DTWD2: variants seen among roughly 807,000 people sequenced by gnomAD.
DTWD2 encodes DTW motif tRNA-uridine aminocarboxypropyltransferase 2.
In DTWD2, 39 loss-of-function variants were observed where a neutral mutation model predicts 31.8. The observed-to-expected ratio is 1.22, with a 90% CI of 0.95 to 1.60. The LOEUF (loss-of-function observed/expected upper bound fraction) is 1.60. DTWD2 is among the 40% of genes most tolerant of loss of function. DTWD2 has a pLI of 0.00. For missense variants in DTWD2, 515 were observed against 381.5 expected, an observed-to-expected ratio of 1.35 and a Z score of -2.92; for synonymous variants, 180 against 142.8, an observed-to-expected ratio of 1.26 and a Z score of -1.86.
At chr5:118,845,962 A>C (rs1381609003) in intron 5 of DTWD2, among the ~76,000 whole-genome samples, 3 of 152,174 alleles carry the variant, frequency 2.0e-5, no homozygotes, top group South Asian at 4.1e-4. Flanking sequence ...AAAACAATAG[A>C]AGTAATGAAA....
At position 118,840,922 on chromosome 5, in the gene DTWD2, T is replaced by C. The variant is rs1751696991; in HGVS notation, c.892A>G (p.Ile298Val). The change falls in exon 6 of 6, where the codon ATT becomes GTT. Residue 298 changes from isoleucine (I) to valine (V), a missense_variant. Physicochemically the swap from Ile to Val is conservative, Grantham distance 29. Coordinates refer to ENST00000510708, the MANE Select transcript of DTWD2 (RefSeq NM_173666.4). ...GCACCAAAAGAATAACTGTACTAAA[T>C]TTTAACACTATTCATTAACAATTCC... Reference protein sequence around the residue: ...KMELLMNSVKI With the variant: ...KMELLMNSVKV 1 of 1,613,216 alleles carries C rather than the reference T, an allele frequency of 6.2e-7. No homozygotes were observed. The highest frequency in any genetic ancestry group is 8.5e-7 in the Non-Finnish European group (1 of 1,179,526).
intron 3 of DTWD2, among the ~76,000 whole-genome samples, chr5:118,929,250 T>A (rs1753872607): frequency 6.6e-6 from 1 of 152,212 alleles, no homozygotes; most frequent in Admixed American, 6.5e-5. Context: ...ACTCCATACT[T>A]CTATATTTGA....
At chr5:118,948,268 G>C (rs889004870) in intron 1 of DTWD2, among the ~76,000 whole-genome samples, 41 of 152,098 alleles carry the variant, frequency 2.7e-4, no homozygotes, top group African/African-American at 9.6e-4. Flanking sequence ...AAGGTCAGGA[G>C]TTAGGGACCT....
intron 1 of DTWD2, among the ~76,000 whole-genome samples, chr5:118,948,703 G>C (rs946762731): frequency 6.6e-6 from 1 of 152,166 alleles, no homozygotes; most frequent in Non-Finnish European, 1.5e-5. Flanking sequence ...AATTCTGACC[G>C]CACAGCCCTG....
intron 4 of DTWD2, among the ~76,000 whole-genome samples, chr5:118,879,318 C>T (rs1752688155): frequency 6.6e-6 from 1 of 152,042 alleles, no homozygotes; most frequent in Admixed American, 6.5e-5. Context: ...TTAAAAAGAA[C>T]AAGATGGGCC....
intron 4 of DTWD2, among the ~76,000 whole-genome samples, chr5:118,867,660 C>A (rs1473769462): frequency 6.6e-6 from 1 of 152,056 alleles, no homozygotes; most frequent in Non-Finnish European, 1.5e-5. Flanking sequence ...GAATGTATTC[C>A]CTCCTACCTA....
intron 4 of DTWD2, among the ~76,000 whole-genome samples, chr5:118,912,347 A>G (rs1236252271): frequency 6.6e-6 from 1 of 152,228 alleles, no homozygotes; most frequent in Admixed American, 6.5e-5. Flanking sequence ...TAAGATAGAA[A>G]AAACAACAAA....
chr5:118,860,221 GTATT>G (rs1173567400), intron 4 of DTWD2, among the ~76,000 whole-genome samples: 4 of 149,080 alleles, frequency 2.7e-5, no homozygotes, highest in South Asian at 2.1e-4. Flanking sequence ...AATATGTATT[GTATT>G]TATTAATATA....
intron 4 of DTWD2, among the ~76,000 whole-genome samples, chr5:118,877,453 C>G (rs1752645907): frequency 6.6e-6 from 1 of 151,812 alleles, no homozygotes; most frequent in African/African-American, 2.4e-5. Context: ...GCCCGGGTGA[C>G]AGAGCAAGAC....
At chr5:118,943,228 C>G (rs1162586094) in intron 2 of DTWD2, among the ~76,000 whole-genome samples, 1 of 152,124 alleles carries the variant, frequency 6.6e-6, no homozygotes, top group Non-Finnish European at 1.5e-5. Context: ...TTGTCATAAT[C>G]CTGACAAAAG....
chr5:118,882,025 CA>C (rs1298016872), intron 4 of DTWD2, among the ~76,000 whole-genome samples: 1 of 152,188 alleles, frequency 6.6e-6, no homozygotes, highest in Non-Finnish European at 1.5e-5. Flanking sequence ...AGTCCAAGTT[CA>C]AAGCCTCATC....
chr5:118,901,332 A>G (rs1196208693), intron 4 of DTWD2, among the ~76,000 whole-genome samples: 1 of 152,228 alleles, frequency 6.6e-6, no homozygotes, highest in East Asian at 1.9e-4. Context: ...CCAGGGATTC[A>G]ACAAACATAA....
At chr5:118,943,423 C>T (rs765712219) in intron 2 of DTWD2, among the ~76,000 whole-genome samples, 15 of 151,956 alleles carry the variant, frequency 9.9e-5, no homozygotes, top group Non-Finnish European at 1.8e-4. Context: ...TTGTGGTGGG[C>T]GCCTGTAGTC....
intron 3 of DTWD2, among the ~76,000 whole-genome samples, chr5:118,938,094 A>G (rs1301099115): frequency 6.6e-6 from 1 of 152,228 alleles, no homozygotes; most frequent in African/African-American, 2.4e-5. Flanking sequence ...GTGGGGAGAA[A>G]CATACAGCCG....
At chr5:118,851,621 G>C (rs935558891) in intron 4 of DTWD2, among the ~76,000 whole-genome samples, 1 of 141,676 alleles carries the variant, frequency 7.1e-6, no homozygotes, top group Non-Finnish European at 1.5e-5. Flanking sequence ...CATCTTAACA[G>C]AAAACAGCGT....
At chr5:118,910,439 C>T (rs1176634870) in intron 4 of DTWD2, among the ~76,000 whole-genome samples, 2 of 152,180 alleles carry the variant, frequency 1.3e-5, no homozygotes, top group African/African-American at 4.8e-5. Context: ...GAGACCTCAT[C>T]AGAATGGCAT....
At chr5:118,893,891 C>T (rs895150136) in intron 4 of DTWD2, among the ~76,000 whole-genome samples, 1 of 152,086 alleles carries the variant, frequency 6.6e-6, no homozygotes, top group Admixed American at 6.5e-5. Context: ...GCCAACAAGC[C>T]AAATGACAAG....
At chr5:118,902,592 A>G (rs1396613126) in intron 4 of DTWD2, among the ~76,000 whole-genome samples, 2 of 152,126 alleles carry the variant, frequency 1.3e-5, no homozygotes, top group Admixed American at 6.5e-5. Flanking sequence ...ATATGTTTTT[A>G]AAGTTTCTGA....
intron 1 of DTWD2, among the ~76,000 whole-genome samples, chr5:118,985,693 A>T (rs531706005): frequency 3.9e-5 from 6 of 152,058 alleles, no homozygotes; most frequent in African/African-American, 1.4e-4. Context: ...TCAAACACAT[A>T]TAAAAAGTGT....
Sources: allele counts gnomAD v4.1 joint callset (sites outside exome capture counted in the v4.1 genomes callset), GRCh38; gene constraint gnomAD v4.1.1; transcripts MANE v1.5; gene names NCBI Gene and HGNC (gene_info 2026-07-23, HGNC 2026-07-21).